The following PCDHA8 variants were observed in gnomAD, a reference collection of about 807,000 sequenced individuals.
PCDHA8 encodes the protein protocadherin alpha 8.
A neutral mutation model predicts 61.8 loss-of-function variants in PCDHA8; 53 were observed. The ratio of observed to expected loss-of-function variants is 0.86; its 90% CI spans 0.69 to 1.08. The LOEUF is 1.08. Ranked by LOEUF, PCDHA8 falls within the 50% of genes least tolerant of loss-of-function variation. The probability of loss-of-function intolerance (pLI) is 0.00; values close to 1 mark genes in which losing one functional copy is unlikely to be tolerated. For missense variants in PCDHA8, 1,293 were observed against 1,245.0 expected (o/e 1.04, Z -0.58); for synonymous variants, 618 against 556.6 (o/e 1.11, Z -1.55).
At chr5:140,921,060 A>T (rs543644748) in intron 1 of PCDHA8, among the ~76,000 whole-genome samples, 11 of 152,040 alleles carry the variant, frequency 7.2e-5, no homozygotes, top group African/African-American at 2.7e-4. Flanking sequence ...GCTCACTCTA[A>T]CCTTGAACTC....
At chr5:140,997,225 C>T (rs1554255781) in intron 3 of PCDHA8, among the ~76,000 whole-genome samples, 1 of 152,090 alleles carries the variant, frequency 6.6e-6, no homozygotes, top group African/African-American at 2.4e-5. Context: ...CTATCATTAC[C>T]ACCCAACTTC....
intron 1 of PCDHA8, among the ~76,000 whole-genome samples, chr5:140,932,398 T>C (rs1163806647): frequency 6.6e-6 from 1 of 151,960 alleles, no homozygotes; most frequent in Non-Finnish European, 1.5e-5. Flanking sequence ...AGTTTCAACA[T>C]ACCAATGTTA....
At chr5:140,928,096 C>T (rs145229632) in intron 1 of PCDHA8, 1 of 1,614,170 alleles carries the variant, frequency 6.2e-7, no homozygotes, top group Non-Finnish European at 8.5e-7. Context: ...GATTGATGGG[C>T]CCCTGGACCG....
intron 1 of PCDHA8, chr5:140,884,016 G>C (rs143828814): frequency 1.2e-6 from 2 of 1,613,208 alleles, no homozygotes; most frequent in Non-Finnish European, 8.5e-7. Flanking sequence ...CTGATGCCGC[G>C]GTCGGTGGGT....
intron 1 of PCDHA8, chr5:140,857,969 T>A: frequency 6.3e-7 from 1 of 1,596,804 alleles, no homozygotes; most frequent in Non-Finnish European, 8.6e-7. Context: ...TGAGACTGAC[T>A]CGCCACGCCA....
intron 1 of PCDHA8, chr5:140,857,401 G>C: frequency 1.9e-6 from 3 of 1,598,170 alleles, no homozygotes; most frequent in Non-Finnish European, 2.6e-6. Flanking sequence ...ACGACAACGC[G>C]CCTGCGTTCG....
intron 1 of PCDHA8, chr5:140,869,469 G>C (rs781981842): frequency 6.2e-6 from 10 of 1,614,092 alleles, no homozygotes; most frequent in Admixed American, 1.7e-5. Flanking sequence ...TGAACGTGGA[G>C]GTGAAGGACA....
At chr5:140,884,376 C>T (rs1554181489) in intron 1 of PCDHA8, 2 of 1,613,982 alleles carry the variant, frequency 1.2e-6, no homozygotes, top group Non-Finnish European at 1.7e-6. Context: ...TTGATCATTG[C>T]CATCTGCGCG....
Position 140,848,795 on chromosome 5 carries a change from G to A in PCDHA8, c.2394+5080G>A. 3 of 1,592,816 alleles carry A rather than the reference G, an allele frequency of 1.9e-6. 1 individual carries two copies. Among genetic ancestry groups the A allele is most frequent in the Non-Finnish European group, 2.6e-6 (3 of 1,163,690 alleles). On this transcript the variant is annotated intron_variant, in intron 1 of 3. Transcript: ENST00000531613. ...GCGAGGAGCTGTGCGGGCGGAGCGC[G>A]GAGTGCAGCATCCACCTGGAGGTGA...
chr5:140,883,412 A>G, intron 1 of PCDHA8: 1 of 1,614,152 alleles, frequency 6.2e-7, no homozygotes, highest in African/African-American at 1.3e-5. Context: ...CTCTGGCTCA[A>G]ATGGACAGGT....
At chr5:140,965,639 C>G (rs781995485) in intron 1 of PCDHA8, among the ~76,000 whole-genome samples, 1 of 152,000 alleles carries the variant, frequency 6.6e-6, no homozygotes, top group Non-Finnish European at 1.5e-5. Flanking sequence ...TTTTAAATTA[C>G]TCTTGAAAGA....
chr5:140,924,872 G>A (rs1161649938), intron 1 of PCDHA8, among the ~76,000 whole-genome samples: 2 of 149,350 alleles, frequency 1.3e-5, no homozygotes, highest in South Asian at 2.1e-4. Context: ...TCCAGCCTGG[G>A]TGACAGAGCA....
At chr5:140,901,828 A>G (rs538492227) in intron 1 of PCDHA8, among the ~76,000 whole-genome samples, 1 of 152,318 alleles carries the variant, frequency 6.6e-6, no homozygotes, top group African/African-American at 2.4e-5. Flanking sequence ...CTTCCAGTCC[A>G]TAAACATGCA....
chr5:140,874,630 G>A (rs1299205823), intron 1 of PCDHA8, among the ~76,000 whole-genome samples: 2 of 152,212 alleles, frequency 1.3e-5, no homozygotes, highest in Non-Finnish European at 2.9e-5. Context: ...TTACATTAAA[G>A]TGCTTTACTT....
chr5:141,006,636 A>G (rs1322633928), intron 3 of PCDHA8, among the ~76,000 whole-genome samples: 3 of 152,210 alleles, frequency 2.0e-5, no homozygotes, highest in African/African-American at 7.2e-5. Context: ...TGCAATTCAT[A>G]TAAGAGATGA....
In PCDHA8 at chr5:140,842,820, G is replaced by A. The variant is rs1554139418; in HGVS notation, c.1499G>A (p.Gly500Asp). 2 of 1,593,888 alleles carry A rather than the reference G, an allele frequency of 1.3e-6. No homozygotes were observed. Among genetic ancestry groups the A allele is most frequent in the African/African-American group, 2.7e-5 (2 of 74,396 alleles). ...TACTCGCTTGTGGAGCGGCGGGTGGGCGAGCGCTCGCTGTCGAGCTACATT... is the reference window on the plus strand; with the variant it reads ...TACTCGCTTGTGGAGCGGCGGGTGGACGAGCGCTCGCTGTCGAGCTACATT... The part of the protein sequence containing the change: ...VSYSLVERRV[G>D]ERSLSSYISV... Residue 500 changes from glycine (G) to aspartate (D), a missense_variant, in exon 1 of 4, where the codon GGC (glycine) becomes GAC (aspartate). Physicochemically the swap from Gly to Asp is moderately conservative, Grantham distance 94 (BLOSUM62 -1). Coordinates refer to ENST00000531613, the MANE Select transcript of PCDHA8 (RefSeq NM_018911.3).
At chr5:140,869,083 T>C in intron 1 of PCDHA8, 1 of 1,582,990 alleles carries the variant, frequency 6.3e-7, no homozygotes, top group Non-Finnish European at 8.6e-7. Flanking sequence ...AAGCTTATTT[T>C]GGAAGCCAAT....
Position 140,930,862 on chromosome 5 carries a change from GGT to G in PCDHA8, c.2395-48086_2395-48085del, listed in dbSNP as rs1554208154. On this transcript the variant is annotated intron_variant, in intron 1 of 3. Coordinates refer to ENST00000531613, the MANE Select transcript of PCDHA8 (RefSeq NM_018911.3). Reference sequence around the variant, plus strand: ...AAATATGTGCATATATGAATTGGATGGTAACACTGTTCAACACAGAGGGAAAA... The same window carrying G: ...AAATATGTGCATATATGAATTGGATGAACACTGTTCAACACAGAGGGAAAA... 5.3e-3 allele frequency among the ~76,000 whole-genome samples: 803 copies of G among 152,226 alleles called. 3 individuals carry two copies. Among genetic ancestry groups the G allele is most frequent in the Non-Finnish European group, 8.4e-3 (568 of 67,990 alleles).
intron 1 of PCDHA8, among the ~76,000 whole-genome samples, chr5:140,937,282 C>T (rs2091446146): frequency 6.6e-6 from 1 of 152,060 alleles, no homozygotes; most frequent in Admixed American, 6.6e-5. Context: ...CGTGATTCAC[C>T]CGCTTCGGCC....
Sources: gnomAD v4.1 joint callset for allele counts (sites outside exome capture counted in the v4.1 genomes callset) on GRCh38, gnomAD v4.1.1 for gene constraint, MANE v1.5 for transcripts, NCBI Gene and HGNC (gene_info 2026-07-23, HGNC 2026-07-21) for gene names.